The following THSD7B variants were observed in gnomAD, a reference collection of about 807,000 sequenced individuals.
THSD7B encodes thrombospondin type 1 domain containing 7B, also known as thrombospondin type-1 domain-containing protein 7B.
A neutral mutation model predicts 213.6 loss-of-function variants in THSD7B; 138 were observed. The observed-to-expected ratio is 0.65, with a 90% CI of 0.56 to 0.74. The LOEUF (loss-of-function observed/expected upper bound fraction) is 0.74, where lower values mean the gene tolerates loss of function less well. Among genes scored for constraint, THSD7B ranks in the 30% least tolerant of loss-of-function variants. The pLI is 0.00. For synonymous variants in THSD7B, 742 were observed against 687.0 expected (o/e 1.08, Z -1.25); for missense variants, 1,931 against 1,991.5 (o/e 0.97, Z 0.58).
chr2:137,022,834 G>T (rs1686470910), intron 2 of THSD7B, among the ~76,000 whole-genome samples: 1 of 151,928 alleles, frequency 6.6e-6, no homozygotes, highest in African/African-American at 2.4e-5. Flanking sequence ...TAGATTTTGG[G>T]GCCATAAAGT....
chr2:137,379,605 G>T (rs1685730090), intron 12 of THSD7B, among the ~76,000 whole-genome samples: 1 of 152,208 alleles, frequency 6.6e-6, no homozygotes, highest in Admixed American at 6.5e-5. Flanking sequence ...CTTCCAGATA[G>T]ATTTCTTTGT....
At chr2:137,188,913 A>G (rs931786222) in intron 7 of THSD7B, among the ~76,000 whole-genome samples, 1 of 152,214 alleles carries the variant, frequency 6.6e-6, no homozygotes, top group Non-Finnish European at 1.5e-5. Flanking sequence ...AGAGTTTTAC[A>G]TAGAGTGGTC....
intron 14 of THSD7B, among the ~76,000 whole-genome samples, chr2:137,412,730 G>C (rs1686694125): frequency 6.6e-6 from 1 of 151,744 alleles, no homozygotes; most frequent in South Asian, 2.1e-4. Context: ...TGTTAATCTG[G>C]GAAAATACTG....
At chr2:137,142,974 A>G (rs527563816) in intron 5 of THSD7B, among the ~76,000 whole-genome samples, 26 of 152,280 alleles carry the variant, frequency 1.7e-4, no homozygotes, top group African/African-American at 5.5e-4. Flanking sequence ...AGATATTTCA[A>G]TGTTGAACTA....
At chr2:137,251,141 A>G (rs1210857466) in intron 10 of THSD7B, among the ~76,000 whole-genome samples, 1 of 152,130 alleles carries the variant, frequency 6.6e-6, no homozygotes, top group Non-Finnish European at 1.5e-5. Context: ...GCAAGAACCA[A>G]TTTGCTTAAG....
intron 2 of THSD7B, among the ~76,000 whole-genome samples, chr2:137,019,979 AATTCCT>A (rs999542966): frequency 6.6e-6 from 1 of 152,204 alleles, no homozygotes; most frequent in Non-Finnish European, 1.5e-5. Context: ...TAGTGATAAT[AATTCCT>A]ATTCAAGGTT....
At chr2:137,662,219 C>T (rs555434427) in intron 25 of THSD7B, among the ~76,000 whole-genome samples, 18 of 147,726 alleles carry the variant, frequency 1.2e-4, no homozygotes, top group Admixed American at 7.4e-4. Flanking sequence ...CCCGCCACGA[C>T]GCCCGGCTAA....
intron 2 of THSD7B, among the ~76,000 whole-genome samples, chr2:136,993,818 G>A (rs2104817996): frequency 6.6e-6 from 1 of 151,432 alleles, no homozygotes; most frequent in Non-Finnish European, 1.5e-5. Context: ...CCAAAGGTGG[G>A]GTCATGTGTG....
chr2:137,345,101 A>AT (rs1558764853), intron 12 of THSD7B, among the ~76,000 whole-genome samples: 1 of 151,740 alleles, frequency 6.6e-6, no homozygotes, highest in African/African-American at 2.4e-5. Flanking sequence ...ATAGTGAGGC[A>AT]TAGCATATAA....
At chr2:137,020,985 G>T (rs1318706265) in intron 2 of THSD7B, among the ~76,000 whole-genome samples, 1 of 152,184 alleles carries the variant, frequency 6.6e-6, no homozygotes, top group Admixed American at 6.5e-5. Context: ...GAGCTATCTA[G>T]CGAACAATGC....
rs541969645 is a variant in THSD7B at position 137,654,475 on chromosome 2, G to C, written c.3946-1026G>C. On this transcript the variant is annotated intron_variant, in intron 21 of 27. Coordinates refer to ENST00000409968, the MANE Select transcript of THSD7B (RefSeq NM_001316349.2). The stretch of plus-strand genomic sequence containing the variant: ...CATGCTTCCGGTGGGTTGAGGCAGG[G>C]ACAGGCCTCCTGCCAGGATACTGAA... 5.3e-5 allele frequency among the ~76,000 whole-genome samples: 8 copies of C among 152,294 alleles called. No homozygotes were observed. In the South Asian group the frequency reaches 1.2e-3, roughly 24 times the overall value.
At chr2:137,264,991 C>G (rs1258792420) in intron 10 of THSD7B, among the ~76,000 whole-genome samples, 1 of 151,818 alleles carries the variant, frequency 6.6e-6, no homozygotes, top group Non-Finnish European at 1.5e-5. Context: ...CCCCACGCCA[C>G]AACAGTCCCC....
At chr2:137,530,214 G>T (rs1437650047) in intron 15 of THSD7B, among the ~76,000 whole-genome samples, 3 of 151,952 alleles carry the variant, frequency 2.0e-5, no homozygotes, top group Non-Finnish European at 4.4e-5. Context: ...GATCCAACAT[G>T]AGTAAATCAT....
intron 7 of THSD7B, among the ~76,000 whole-genome samples, chr2:137,195,174 C>A (rs1276241797): frequency 6.6e-6 from 1 of 151,864 alleles, no homozygotes; most frequent in African/African-American, 2.4e-5. Flanking sequence ...TTCTAAAAAA[C>A]TTTAATAACT....
intron 2 of THSD7B, among the ~76,000 whole-genome samples, chr2:137,024,807 A>T (rs1338915721): frequency 6.6e-6 from 1 of 152,152 alleles, no homozygotes; most frequent in African/African-American, 2.4e-5. Context: ...GGCCAAATAT[A>T]TAATTATCAT....
At chr2:137,400,398 C>T (rs1050497961) in intron 12 of THSD7B, among the ~76,000 whole-genome samples, 4 of 151,918 alleles carry the variant, frequency 2.6e-5, no homozygotes, top group South Asian at 2.1e-4. Context: ...GGGAGGAGCA[C>T]TTTTTCCTGA....
intron 9 of THSD7B, among the ~76,000 whole-genome samples, chr2:137,235,569 G>A (rs978035165): frequency 9.2e-5 from 14 of 152,122 alleles, no homozygotes; most frequent in Middle Eastern, 3.4e-3. Flanking sequence ...TTCTTGTATC[G>A]TCATTATTAC....
At chr2:136,894,144 T>A (rs1683910856) in intron 2 of THSD7B, among the ~76,000 whole-genome samples, 1 of 152,222 alleles carries the variant, frequency 6.6e-6, no homozygotes. Context: ...AAGAATAAAA[T>A]GTGGATTTGC....
At chr2:137,136,326 G>T (rs1449522881) in intron 5 of THSD7B, among the ~76,000 whole-genome samples, 1 of 152,154 alleles carries the variant, frequency 6.6e-6, no homozygotes, top group African/African-American at 2.4e-5. Context: ...GAATTTGGAG[G>T]AATGAGACTT....
Sources: gnomAD v4.1 joint callset for allele counts (sites outside exome capture counted in the v4.1 genomes callset) on GRCh38, gnomAD v4.1.1 for gene constraint, MANE v1.5 for transcripts, NCBI Gene and HGNC (gene_info 2026-07-23, HGNC 2026-07-21) for gene names.